Variants in FBXL20 observed in about 807,000 individuals in gnomAD.
The protein encoded by FBXL20 is F-box/LRR-repeat protein 20.
Under a neutral mutation model 64.0 loss-of-function variants are expected in FBXL20, and 11 were observed. The observed-to-expected ratio is 0.17, with a 90% CI of 0.11 to 0.28. The LOEUF is 0.28. FBXL20 is among the 10% of genes least tolerant of loss of function. The pLI is 1.00. For synonymous variants in FBXL20, 184 were observed against 189.0 expected (o/e 0.97, Z 0.22); for missense variants, 303 against 526.2 (o/e 0.58, Z 4.15).
At chr17:39,350,518 CAAAAAA>C (rs5820287) in intron 1 of FBXL20, among the ~76,000 whole-genome samples, 2 of 101,774 alleles carry the variant, frequency 2.0e-5, no homozygotes, top group Admixed American at 2.0e-4. Flanking sequence ...AAAAAAGAAG[CAAAAAA>C]AAAAAAAAAA....
chr17:39,378,719 C>T (rs1245874699), intron 1 of FBXL20, among the ~76,000 whole-genome samples: 1 of 151,620 alleles, frequency 6.6e-6, no homozygotes, highest in Non-Finnish European at 1.5e-5. Flanking sequence ...ACGCCATTCT[C>T]CTGCCTCAGC....
chr17:39,326,201 C>G (rs1035009883), intron 2 of FBXL20, among the ~76,000 whole-genome samples: 41 of 149,386 alleles, frequency 2.7e-4, no homozygotes, highest in African/African-American at 9.7e-4. Flanking sequence ...GAATCATACG[C>G]CAAAAAAAAA....
upstream of FBXL20, chr17:39,402,232 T>G: frequency 1.6e-6 from 2 of 1,231,768 alleles, no homozygotes; most frequent in Non-Finnish European, 2.0e-6. Flanking sequence ...TTCCTCCTCT[T>G]CTGGATGTGT....
intron 1 of FBXL20, among the ~76,000 whole-genome samples, chr17:39,347,500 GTC>G (rs1854687924): frequency 6.6e-6 from 1 of 152,160 alleles, no homozygotes; most frequent in South Asian, 2.1e-4. Flanking sequence ...TTTGAGAAGT[GTC>G]TGTTCATATC....
chr17:39,299,183 C>G, intron 4 of FBXL20, 99 bp from the exon 5 acceptor site: 1 of 846,540 alleles, frequency 1.2e-6, no homozygotes, highest in Non-Finnish European at 1.9e-6. Context: ...AGAGAAAATG[C>G]TTCTATTATG....
intron 11 of FBXL20, among the ~76,000 whole-genome samples, chr17:39,269,659 C>T (rs183632932): frequency 3.3e-5 from 5 of 152,070 alleles, no homozygotes; most frequent in Admixed American, 2.6e-4. Flanking sequence ...CCACCATCAC[C>T]GGCTAATTTT....
intron 1 of FBXL20, among the ~76,000 whole-genome samples, chr17:39,366,070 C>G (rs1281889450): frequency 6.6e-6 from 1 of 151,896 alleles, no homozygotes; most frequent in Non-Finnish European, 1.5e-5. Context: ...GATCATAGTA[C>G]ACCCTCAAGC....
chr17:39,358,271 C>T (rs2047761396), intron 1 of FBXL20, among the ~76,000 whole-genome samples: 2 of 152,150 alleles, frequency 1.3e-5, no homozygotes, highest in Non-Finnish European at 2.9e-5. Flanking sequence ...CTGGTGAGGG[C>T]GGATCTTTCT....
intron 2 of FBXL20, among the ~76,000 whole-genome samples, chr17:39,330,323 T>A (rs1235517170): frequency 6.7e-6 from 1 of 149,300 alleles, no homozygotes; most frequent in Non-Finnish European, 1.5e-5. Context: ...AAATAAAAAA[T>A]AAAAAATAGG....
intron 2 of FBXL20, among the ~76,000 whole-genome samples, chr17:39,309,255 G>T (rs766580978): frequency 3.3e-5 from 5 of 152,234 alleles, no homozygotes; most frequent in Non-Finnish European, 4.4e-5. Flanking sequence ...ACTATACCTT[G>T]TATCAGATTC....
rs201704713 is a variant in FBXL20 at position 39,280,355 on chromosome 17, T to C, written c.696+1034A>G. ...GAAGCAGGGTTGCAGTGAGCCGAGA[T>C]AGCGTCACTGCACTCTAGCCTGGGC... On this transcript the variant is annotated intron_variant, in intron 9 of 14. Transcript: ENST00000264658. Among the ~76,000 whole-genome samples, 11 of 139,262 alleles carry C rather than the reference T, an allele frequency of 7.9e-5. No homozygotes were observed. The East Asian group carries it at 1.5e-3, about 18-fold the overall frequency. The allele number at this position is 139,262 out of a possible 152,430, so 91.4% of individuals were successfully genotyped here.
rs977709532 is a variant in FBXL20, at chr17:39,260,424, G to T, written c.*1036C>A. On this transcript the variant is annotated 3_prime_UTR_variant, in exon 15 of 15. Transcript: ENST00000264658. The stretch of plus-strand genomic sequence containing the variant: ...CTGACAGAAGGAAGAATATGTAGGG[G>T]GAATATTGGGGATACCATGCGAATT... 3.3e-5 allele frequency: 5 copies of T among 151,984 alleles called. No homozygotes were observed. The highest frequency in any genetic ancestry group is 1.2e-4 in the African/African-American group (5 of 41,370). 9.4% of individuals were successfully genotyped at this position (151,984 alleles called of 1,614,324 possible).
At chr17:39,313,074 A>G (rs1165360223) in intron 2 of FBXL20, among the ~76,000 whole-genome samples, 3 of 150,250 alleles carry the variant, frequency 2.0e-5, no homozygotes, top group Non-Finnish European at 4.4e-5. Context: ...GCGCACCATC[A>G]TGCCTGGCTA....
At chr17:39,361,300 T>G (rs764908712) in intron 1 of FBXL20, among the ~76,000 whole-genome samples, 2 of 152,110 alleles carry the variant, frequency 1.3e-5, no homozygotes, top group East Asian at 1.9e-4. Flanking sequence ...GAATGGAGTT[T>G]GTGAAGTCTA....
intron 1 of FBXL20, among the ~76,000 whole-genome samples, chr17:39,360,103 A>G (rs2047780198): frequency 6.6e-6 from 1 of 152,204 alleles, no homozygotes; most frequent in Non-Finnish European, 1.5e-5. Context: ...ATTCTGACAC[A>G]TGGATGAACC....
At chr17:39,336,521 A>T (rs2047523307) in intron 2 of FBXL20, among the ~76,000 whole-genome samples, 1 of 152,212 alleles carries the variant, frequency 6.6e-6, no homozygotes, top group East Asian at 1.9e-4. Context: ...CTTACAGCAG[A>T]ATTACAATTA....
At chr17:39,331,131 G>A (rs1371156464) in intron 2 of FBXL20, among the ~76,000 whole-genome samples, 1 of 152,202 alleles carries the variant, frequency 6.6e-6, no homozygotes, top group Non-Finnish European at 1.5e-5. Context: ...TGTTAAGACA[G>A]AGTCTCGCTC....
At chr17:39,298,111 CTTAT>C (rs1366493200) in intron 5 of FBXL20, among the ~76,000 whole-genome samples, 9 of 151,784 alleles carry the variant, frequency 5.9e-5, no homozygotes, top group Middle Eastern at 6.8e-3. Context: ...TAAATGATTG[CTTAT>C]TTATTTATTT....
chr17:39,365,681 A>G (rs2047852883), intron 1 of FBXL20, among the ~76,000 whole-genome samples: 2 of 152,170 alleles, frequency 1.3e-5, no homozygotes, highest in African/African-American at 2.4e-5. Flanking sequence ...TCTTTTCAGT[A>G]TTTTTAATTT....
Sources: gnomAD v4.1 joint callset for allele counts (sites outside exome capture counted in the v4.1 genomes callset) on GRCh38, gnomAD v4.1.1 for gene constraint, MANE v1.5 for transcripts, NCBI Gene and HGNC (gene_info 2026-07-23, HGNC 2026-07-21) for gene names.